HSPA12B: variants seen among roughly 807,000 people sequenced by gnomAD.
HSPA12B encodes heat shock protein family A (Hsp70) member 12B, also known as heat shock 70 kDa protein 12B.
In HSPA12B, 54 loss-of-function variants were observed where a neutral mutation model predicts 69.3. That is an observed-to-expected ratio of 0.78 (90% CI 0.63 to 0.98). HSPA12B has a LOEUF of 0.98. HSPA12B is among the 50% of genes least tolerant of loss of function. HSPA12B has a pLI of 0.00. For synonymous variants in HSPA12B, 441 were observed against 436.5 expected (o/e 1.01, Z -0.13); for missense variants, 929 against 999.8 (o/e 0.93, Z 0.96).
In HSPA12B at chr20:3,740,456, A is replaced by ACCTGCCCTATCTCC. The variant is rs925095663; in HGVS notation, c.44-350_44-337dup. On this transcript the variant is annotated intron_variant, in intron 2 of 12. Transcript: ENST00000254963. The surrounding 1 kb of genome is among the most constrained non-coding windows in gnomAD (Gnocchi z 4.9). Reference sequence around the variant, plus strand: ...CTCCTCTACTCCCTCCCAGGAGCTCACCTGCCCTATCTCCCCTGCCCTTCC... The same window carrying ACCTGCCCTATCTCC: ...CTCCTCTACTCCCTCCCAGGAGCTCACCTGCCCTATCTCCCCTGCCCTATCTCCCCTGCCCTTCC... Among the ~76,000 whole-genome samples the ACCTGCCCTATCTCC allele has an allele frequency of 1.3e-5, 2 of 151,990 alleles. No homozygotes were observed. Among genetic ancestry groups the ACCTGCCCTATCTCC allele is most frequent in the African/African-American group, 4.8e-5 (2 of 41,362 alleles).
chr20:3,749,565 C>T lies in HSPA12B; in HGVS notation c.938-185C>T, dbSNP rs2088370901. ...AGAGCCTCTGGAACCATTTCTGCCCCACACCCTGCGCCCATATGTGGTGGT... is the reference window on the plus strand; with the variant it reads ...AGAGCCTCTGGAACCATTTCTGCCCTACACCCTGCGCCCATATGTGGTGGT... On this transcript the variant is annotated intron_variant, in intron 9 of 12. Transcript: ENST00000254963. This position sits in a 1 kb window ranked among gnomAD's most constrained non-coding sequence, Gnocchi z 5.5. Among the ~76,000 whole-genome samples, 1 of 152,232 alleles carries T rather than the reference C, an allele frequency of 6.6e-6. No homozygotes were observed. Among genetic ancestry groups the T allele is most frequent in the African/African-American group, 2.4e-5 (1 of 41,458 alleles).
chr20:3,751,997 G>C lies in HSPA12B; in HGVS notation c.1892G>C (p.Ser631Thr). 6.4e-7 allele frequency: 1 copy of C among 1,569,140 alleles called. No homozygotes were observed. The highest frequency in any genetic ancestry group is 1.1e-5 in the South Asian group (1 of 87,610). The change falls in exon 13 of 13, where the codon AGC (serine) becomes ACC (threonine). Residue 631 changes from serine to threonine, a missense_variant. By Grantham distance (58) the Ser-to-Thr change is moderately conservative. Coordinates refer to ENST00000254963, the MANE Select transcript of HSPA12B (RefSeq NM_052970.5). Reference sequence around the variant, plus strand: ...GGCGTGCGCAAATGCGGCGCGCTCAGCCTCGAGCTTGAGCCCGCCGACTGC... The same window carrying C: ...GGCGTGCGCAAATGCGGCGCGCTCACCCTCGAGCTTGAGCCCGCCGACTGC... ...DPGVRKCGALSLELEPADCGQ... is the reference protein window; with the variant it reads ...DPGVRKCGALTLELEPADCGQ...
Position 3,752,319 on chromosome 20 carries a change from A to T in HSPA12B, c.*153A>T, listed in dbSNP as rs926073766. On this transcript the variant is annotated 3_prime_UTR_variant, in exon 13 of 13. Coordinates refer to ENST00000254963, the MANE Select transcript of HSPA12B (RefSeq NM_052970.5). Reference sequence around the variant, plus strand: ...CCCGGGGGAGATAAGGTCATGGGAGAGTGGGTGGGGACACACCCAGAGACT... The same window carrying T: ...CCCGGGGGAGATAAGGTCATGGGAGTGTGGGTGGGGACACACCCAGAGACT... The T allele has an allele frequency of 9.3e-5, 68 of 732,382 alleles. No homozygotes were observed. Among genetic ancestry groups the T allele is most frequent in the Admixed American group, 6.2e-4 (16 of 25,728 alleles). 45.4% of individuals were successfully genotyped at this position (732,382 alleles called of 1,614,324 possible).
rs1247593679 is a variant in HSPA12B at position 3,745,561 on chromosome 20, C to T, written c.522C>T (p.Ala174=). Residue 174 remains alanine (A), a synonymous_variant, in exon 6 of 13, where the codon GCC becomes GCT. Coordinates refer to ENST00000254963, the MANE Select transcript of HSPA12B (RefSeq NM_052970.5). The surrounding 1 kb of genome is among the most constrained non-coding windows in gnomAD (Gnocchi z 5.6). ...CGATGCCCGCCCTGGAGGTGTTCGC[C>T]CATGCCCTGCGCTTCTTCAGGGAGC... The part of the protein sequence containing the change: ...GKTMPALEVF[A]HALRFFREHA... 15 of 1,614,060 alleles carry T rather than the reference C, an allele frequency of 9.3e-6. No individual in the cohort carries two copies. Among genetic ancestry groups the T allele is most frequent in the Middle Eastern group, 1.6e-4 (1 of 6,084 alleles).
In HSPA12B at chr20:3,752,053, C is replaced by A; in HGVS notation, c.1948C>A (p.Arg650Ser). The A allele has an allele frequency of 6.4e-7, 1 of 1,551,588 alleles. No individual in the cohort carries two copies. The highest frequency in any genetic ancestry group is 2.3e-5 in the East Asian group (1 of 42,664). The change falls in exon 13 of 13, where the codon CGC becomes AGC. Residue 650 changes from arginine (R) to serine (S), a missense_variant. Physicochemically the swap from Arg to Ser is moderately radical, Grantham distance 110 (BLOSUM62 -1). Around this residue, in one of 3 missense-constraint regions of HSPA12B, gnomAD observed 448 missense variants for 448.1 expected, o/e 1.00. Transcript: ENST00000254963. The part of the protein sequence containing the change: ...GQDTAGAPPG[R>S]REIRAAMQFG... ...GGACACCGCCGGCGCGCCTCCCGGCCGCCGCGAGATCCGCGCCGCCATGCA... is the reference window on the plus strand; with the variant it reads ...GGACACCGCCGGCGCGCCTCCCGGCAGCCGCGAGATCCGCGCCGCCATGCA...
Position 3,751,612 on chromosome 20 carries a change from C to A in HSPA12B, c.1507C>A (p.Leu503Met). ...GCTGCAGCACGCGGTGCAGGCGGCGCTGGGCGCCCGCGGTCTGCGTGTCGT... is the reference window on the plus strand; with the variant it reads ...GCTGCAGCACGCGGTGCAGGCGGCGATGGGCGCCCGCGGTCTGCGTGTCGT... ...AVLQHAVQAA[L>M]GARGLRVVVP... The change falls in exon 13 of 13, where the codon CTG becomes ATG. Residue 503 changes from leucine to methionine, a missense_variant. Around this residue, in one of 3 missense-constraint regions of HSPA12B, gnomAD observed 448 missense variants for 448.1 expected, o/e 1.00. Transcript: ENST00000254963. 6.5e-7 allele frequency: 1 copy of A among 1,529,898 alleles called. No individual in the cohort carries two copies. Among genetic ancestry groups the A allele is most frequent in the Admixed American group, 2.0e-5 (1 of 49,574 alleles). 94.8% of individuals were successfully genotyped at this position (1,529,898 alleles called of 1,614,324 possible).
Position 3,745,671 on chromosome 20 carries a change from A to C in HSPA12B, c.558+74A>C. 1.5e-6 allele frequency: 2 copies of C among 1,345,696 alleles called. No homozygotes were observed. Among genetic ancestry groups the C allele is most frequent in the Non-Finnish European group, 1.1e-6 (1 of 946,334 alleles). 83.4% of individuals were successfully genotyped at this position (1,345,696 alleles called of 1,614,324 possible). ...TCCCCTCATCCGAAACCGCTCCCCC[A>C]TCCCGTCCCCGACATTGGATGGGTA... On this transcript the variant is annotated intron_variant, in intron 6 of 12. Coordinates refer to ENST00000254963, the MANE Select transcript of HSPA12B (RefSeq NM_052970.5). The surrounding 1 kb of genome is among the most constrained non-coding windows in gnomAD (Gnocchi z 5.6).
Position 3,751,957 on chromosome 20 carries a change from T to C in HSPA12B, c.1852T>C (p.Phe618Leu). 6.3e-7 allele frequency: 1 copy of C among 1,582,660 alleles called. No homozygotes were observed. Among genetic ancestry groups the C allele is most frequent in the Non-Finnish European group, 8.5e-7 (1 of 1,169,626 alleles). The change falls in exon 13 of 13, where the codon TTC becomes CTC. Residue 618 changes from phenylalanine (F) to leucine (L), a missense_variant. By Grantham distance (22) the Phe-to-Leu change is conservative. Transcript: ENST00000254963. Reference protein sequence around the residue: ...LYCCAAEDARFITDPGVRKCG... With the variant: ...LYCCAAEDARLITDPGVRKCG... ...CTGCTGCGCGGCAGAGGATGCGCGC[T>C]TCATCACCGACCCCGGCGTGCGCAA...
rs965109877 is a variant in HSPA12B at position 3,751,711 on chromosome 20, G to A, written c.1606G>A (p.Val536Ile). The change falls in exon 13 of 13, where the codon GTC becomes ATC. Residue 536 changes from valine to isoleucine, a missense_variant. Physicochemically the swap from Val to Ile is conservative, Grantham distance 29. This residue lies in a region of HSPA12B where 448 missense variants were observed against 448.1 expected (regional missense o/e 1.00). Transcript: ENST00000254963. ...CGGCCAGGCGCCGGGCGTGGTGCGGGTCCGCCGCTCGCCGCTCACCTATGG... is the reference window on the plus strand; with the variant it reads ...CGGCCAGGCGCCGGGCGTGGTGCGGATCCGCCGCTCGCCGCTCACCTATGG... ...LFGQAPGVVR[V>I]RRSPLTYGVG... is the part of the protein sequence containing the mutation. 2 of 1,485,734 alleles carry A rather than the reference G, an allele frequency of 1.3e-6. No individual in the cohort carries two copies. The highest frequency in any genetic ancestry group is 2.6e-5 in the East Asian group (1 of 38,064). 92.0% of individuals were successfully genotyped at this position (1,485,734 alleles called of 1,614,324 possible). A position where few individuals can be genotyped will look rare whatever the true frequency, so the allele number is the denominator to read the frequency against.
At chr20:3,734,349 T>C (rs1052444549) in intron 1 of HSPA12B, among the ~76,000 whole-genome samples, 2 of 152,170 alleles carry the variant, frequency 1.3e-5, no homozygotes, top group African/African-American at 4.8e-5. Context: ...GTGAAGCTGA[T>C]GACTAGAGGT....
rs758609587 is a variant in HSPA12B at position 3,745,240 on chromosome 20, C to A, written c.453+152C>A. 6.9e-5 allele frequency: 46 copies of A among 663,392 alleles called. No homozygotes were observed. The highest frequency in any genetic ancestry group is 1.1e-4 in the Non-Finnish European group (44 of 416,382). The allele number at this position is 663,392 out of a possible 1,614,324, so 41.1% of individuals were successfully genotyped here. ...GGGGCTAAAGGGAGACGTCGGACTC[C>A]GGTGTGGGCGGAGCTCAGAAATGAG... is the stretch of plus-strand genomic sequence containing the variant. On this transcript the variant is annotated intron_variant, in intron 5 of 12. Transcript: ENST00000254963. This position sits in a 1 kb window ranked among gnomAD's most constrained non-coding sequence, Gnocchi z 5.6.
intron 7 of HSPA12B, among the ~76,000 whole-genome samples, chr20:3,747,528 C>T (rs923661462): frequency 3.3e-5 from 5 of 152,204 alleles, no homozygotes; most frequent in Admixed American, 1.3e-4. Context: ...TTATCCCTCT[C>T]CCCTATCTGG....
chr20:3,745,448 T>C lies in HSPA12B; in HGVS notation c.454-45T>C. The C allele has an allele frequency of 7.2e-7, 1 of 1,380,170 alleles. No individual in the cohort carries two copies. The highest frequency in any genetic ancestry group is 1.2e-5 in the South Asian group (1 of 86,474). 85.5% of individuals were successfully genotyped at this position (1,380,170 alleles called of 1,614,324 possible). A position where few individuals can be genotyped will look rare whatever the true frequency, so the allele number is the denominator to read the frequency against. ...AAGAGCGAGGTCGTCAGGAAATGAGTGCCAAGCTGAGGCCTCCTGCAGAGC... is the reference window on the plus strand; with the variant it reads ...AAGAGCGAGGTCGTCAGGAAATGAGCGCCAAGCTGAGGCCTCCTGCAGAGC... On this transcript the variant is annotated intron_variant, in intron 5 of 12. Coordinates refer to ENST00000254963, the MANE Select transcript of HSPA12B (RefSeq NM_052970.5). The surrounding 1 kb of genome is among the most constrained non-coding windows in gnomAD (Gnocchi z 5.6).
chr20:3,745,653 A>C lies in HSPA12B; in HGVS notation c.558+56A>C. 2 of 1,481,548 alleles carry C rather than the reference A, an allele frequency of 1.3e-6. No homozygotes were observed. The highest frequency in any genetic ancestry group is 1.9e-6 in the Non-Finnish European group (2 of 1,064,444). 91.8% of individuals were successfully genotyped at this position (1,481,548 alleles called of 1,614,324 possible). ...GGCAGGGACCCCCTATTTTCCCCTC[A>C]TCCGAAACCGCTCCCCCATCCCGTC... is the stretch of plus-strand genomic sequence containing the variant. On this transcript the variant is annotated intron_variant, in intron 6 of 12. Coordinates refer to ENST00000254963, the MANE Select transcript of HSPA12B (RefSeq NM_052970.5). The surrounding 1 kb of genome is among the most constrained non-coding windows in gnomAD (Gnocchi z 5.6).
rs1040087960 is a variant in HSPA12B at position 3,737,551 on chromosome 20, C to G, written c.-17-1107C>G. Among the ~76,000 whole-genome samples the G allele has an allele frequency of 1.3e-5, 2 of 152,206 alleles. No individual in the cohort carries two copies. The highest frequency in any genetic ancestry group is 2.9e-5 in the Non-Finnish European group (2 of 68,050). The stretch of plus-strand genomic sequence containing the variant: ...ACTAAAACAGTGTTTCCAGTCTCAT[C>G]TGGGGACCTTTTACAGGGATCTAGC... On this transcript the variant is annotated intron_variant, in intron 1 of 12. Transcript: ENST00000254963. This position sits in a 1 kb window ranked among gnomAD's most constrained non-coding sequence, Gnocchi z 4.1.
At chr20:3,733,385 G>A (rs1409527296) in intron 1 of HSPA12B, among the ~76,000 whole-genome samples, 4 of 152,108 alleles carry the variant, frequency 2.6e-5, no homozygotes, top group African/African-American at 9.7e-5. Flanking sequence ...GAGTGATCAC[G>A]AAACTAGGGA....
chr20:3,751,459 C>T (rs2088418486), intron 12 of HSPA12B, 52 bp from the exon 13 acceptor site: 11 of 1,368,894 alleles, frequency 8.0e-6, no homozygotes, highest in Middle Eastern at 2.1e-4. Flanking sequence ...CTCTCTCCCC[C>T]GCCCCTTCTC....
At position 3,737,476 on chromosome 20, in the gene HSPA12B, C is replaced by G. The variant is rs1217029192; in HGVS notation, c.-17-1182C>G. On this transcript the variant is annotated intron_variant, in intron 1 of 12. Coordinates refer to ENST00000254963, the MANE Select transcript of HSPA12B (RefSeq NM_052970.5). This position sits in a 1 kb window ranked among gnomAD's most constrained non-coding sequence, Gnocchi z 4.1. ...TCCATCTTAAGAAAAGAAGTTCTAG[C>G]TCATGTCACCTCTTGCTCACTCCTC... Among the ~76,000 whole-genome samples the G allele has an allele frequency of 6.6e-6, 1 of 151,768 alleles. No individual in the cohort carries two copies. The highest frequency in any genetic ancestry group is 1.5e-5 in the Non-Finnish European group (1 of 67,924).
At chr20:3,739,127 G>T (rs561947923) in intron 2 of HSPA12B, among the ~76,000 whole-genome samples, 2 of 152,306 alleles carry the variant, frequency 1.3e-5, no homozygotes, top group African/African-American at 4.8e-5. Context: ...GTGTCTCTGC[G>T]GGCAGGTCTC....
Sources: gnomAD v4.1 joint callset for allele counts (sites outside exome capture counted in the v4.1 genomes callset) on GRCh38, gnomAD v4.1.1 for gene constraint, gnomAD v4.1.1 regional missense constraint, Gnocchi (gnomAD v3.1) non-coding constraint, MANE v1.5 for transcripts, NCBI Gene and HGNC (gene_info 2026-07-23, HGNC 2026-07-21) for gene names.